Variants in MAPK6 observed in about 807,000 individuals in gnomAD.
MAPK6 encodes mitogen-activated protein kinase 6, also known as ERK-3.
Under a neutral mutation model 59.3 loss-of-function variants are expected in MAPK6, and 19 were observed. The ratio of observed to expected loss-of-function variants is 0.32; its 90% confidence interval spans 0.22 to 0.47. The LOEUF (loss-of-function observed/expected upper bound fraction) is 0.47, where lower values mean the gene tolerates loss of function less well. Among genes scored for constraint, MAPK6 ranks in the 20% least tolerant of loss-of-function variants. The pLI is 1.00. For missense variants in MAPK6, 724 were observed against 847.9 expected (o/e 0.85, Z 1.81); for synonymous variants, 316 against 290.3 (o/e 1.09, Z -0.90).
In MAPK6 at chr15:52,064,404, G is replaced by A. The variant is rs751499153; in HGVS notation, c.1570G>A (p.Gly524Arg). ...LAGKEREKNQ[G>R]FDFDSFIAGT... ...TGGAAAAGAAAGGGAAAAGAATCAG[G>A]GATTTGATTTTGATTCCTTTATTGC... Residue 524 changes from glycine (G) to arginine (R), a missense_variant, in exon 6 of 6, where the codon GGA becomes AGA. Gly to Arg is a moderately radical substitution (Grantham distance 125). Around this residue, in one of 4 missense-constraint regions of MAPK6, gnomAD observed 502 missense variants for 507.6 expected, o/e 0.99. Transcript: ENST00000261845. 6 of 1,611,716 alleles carry A rather than the reference G, an allele frequency of 3.7e-6. No individual in the cohort carries two copies. The highest frequency in any genetic ancestry group is 5.1e-6 in the Non-Finnish European group (6 of 1,179,808).
chr15:51,973,007 T>C (rs1339402179), intron 1 of MAPK6, among the ~76,000 whole-genome samples: 1 of 151,706 alleles, frequency 6.6e-6, no homozygotes, highest in Non-Finnish European at 1.5e-5. Context: ...AGGCTCTGTT[T>C]CTTAGAAGAA....
At position 51,986,545 on chromosome 15, in the gene MAPK6, ATTATG is replaced by A. The variant is rs567191002; in HGVS notation, c.-770+3232_-770+3236del. On this transcript the variant is annotated intron_variant, in intron 2 of 7. Coordinates refer to the MAPK6 transcript ENST00000691380. ...CATGTTTTCTACAAATGCTTTTATAATTATGTAATGCTTTTGTAATCAAAAAAGAC... is the reference window on the plus strand; with the variant it reads ...CATGTTTTCTACAAATGCTTTTATAATAATGCTTTTGTAATCAAAAAAGAC... 8.5e-5 allele frequency among the ~76,000 whole-genome samples: 13 copies of A among 152,234 alleles called. No homozygotes were observed. The South Asian group carries it at 2.3e-3, about 27-fold the overall frequency.
Position 52,065,021 on chromosome 15 carries a change from CTT to C in MAPK6, c.*23_*24del. ...ACTAAAACACTCAGCAGACATTTAT[CTT>C]TGTATTCTTCATGAAATGTGTTTTG... On this transcript the variant is annotated 3_prime_UTR_variant, in exon 6 of 6. Transcript: ENST00000261845. The C allele has an allele frequency of 6.4e-7, 1 of 1,552,194 alleles. No homozygotes were observed. The highest frequency in any genetic ancestry group is 8.7e-7 in the Non-Finnish European group (1 of 1,147,462).
At chr15:52,020,709 G>C (rs35730785) in intron 1 of MAPK6, among the ~76,000 whole-genome samples, 1 of 152,226 alleles carries the variant, frequency 6.6e-6, no homozygotes, top group Non-Finnish European at 1.5e-5. Flanking sequence ...AGAAATATCA[G>C]ATTTTAATGT....
At chr15:52,035,585 C>G (rs2031213061) in intron 1 of MAPK6, 1 of 151,408 alleles carries the variant, frequency 6.6e-6, no homozygotes. Context: ...GGTCACACCA[C>G]TGCACTCCAG....
chr15:51,986,917 T>A (rs2057192641), intron 2 of MAPK6, among the ~76,000 whole-genome samples: 1 of 152,180 alleles, frequency 6.6e-6, no homozygotes, highest in Admixed American at 6.6e-5. Context: ...TTAGAAAGGA[T>A]TAGGGACATC....
In MAPK6 at chr15:52,030,611, CTTTTTTTTTTTTTTTT is replaced by C. The variant is rs11295636; in HGVS notation, c.-632+11250_-632+11265del. Among the ~76,000 whole-genome samples, 10 of 35,744 alleles carry C rather than the reference CTTTTTTTTTTTTTTTT, an allele frequency of 2.8e-4. No individual in the cohort carries two copies. In the South Asian group the frequency reaches 4.9e-3, roughly 18 times the overall value. The allele number at this position is 35,744 out of a possible 152,430, so 23.4% of individuals were successfully genotyped here. On this transcript the variant is annotated intron_variant, in intron 1 of 5. Transcript: ENST00000261845. ...TGTGTTTTAGTTATGCAGAAGAAGG[CTTTTTTTTTTTTTTTT>C]TTTTTTTTTTTTTTGAGGCAGAGTC... is the stretch of plus-strand genomic sequence containing the variant.
At chr15:51,994,151 G>C (rs1025734927) in intron 2 of MAPK6, among the ~76,000 whole-genome samples, 2 of 151,996 alleles carry the variant, frequency 1.3e-5, no homozygotes, top group Admixed American at 1.3e-4. Flanking sequence ...GTAGAGACGG[G>C]GTTTCTCTAT....
intron 1 of MAPK6, among the ~76,000 whole-genome samples, chr15:52,037,357 C>T (rs904265594): frequency 6.6e-6 from 1 of 152,314 alleles, no homozygotes; most frequent in African/African-American, 2.4e-5. Context: ...AGCTCAAAAA[C>T]AACAGCAGTC....
chr15:52,001,509 CTTT>C (rs71130114), intron 2 of MAPK6, among the ~76,000 whole-genome samples: 1 of 128,092 alleles, frequency 7.8e-6, no homozygotes, highest in Non-Finnish European at 1.6e-5. Flanking sequence ...CTTTTCCTTT[CTTT>C]TTTTTTTTTT....
chr15:52,065,102 A>G lies in MAPK6; in HGVS notation c.*102A>G, dbSNP rs1157689646. On this transcript the variant is annotated 3_prime_UTR_variant, in exon 6 of 6. Transcript: ENST00000261845. ...TTTTTTACTTGAATCAGATGGTGTC[A>G]TTTAGTAAGGATTTTATGAGTTCTT... 3 of 1,104,508 alleles carry G rather than the reference A, an allele frequency of 2.7e-6. No homozygotes were observed. Among genetic ancestry groups the G allele is most frequent in the Non-Finnish European group, 3.8e-6 (3 of 797,142 alleles). The allele number at this position is 1,104,508 out of a possible 1,614,324, so 68.4% of individuals were successfully genotyped here. A position where few individuals can be genotyped will look rare whatever the true frequency, so the allele number is the denominator to read the frequency against.
chr15:51,983,553 G>A (rs2057181489), intron 2 of MAPK6, among the ~76,000 whole-genome samples: 1 of 146,124 alleles, frequency 6.8e-6, no homozygotes, highest in African/African-American at 2.5e-5. Flanking sequence ...CTCTTGCTTG[G>A]AATCCCAGCA....
chr15:51,974,703 T>G (rs34842090), intron 1 of MAPK6, among the ~76,000 whole-genome samples: 1 of 140,806 alleles, frequency 7.1e-6, no homozygotes. Flanking sequence ...CATTTGTTCC[T>G]AGGAATGGAG....
At chr15:51,995,370 G>A (rs1467798487) in intron 2 of MAPK6, among the ~76,000 whole-genome samples, 6 of 152,176 alleles carry the variant, frequency 3.9e-5, no homozygotes, top group Admixed American at 2.6e-4. Flanking sequence ...GCAGCTGTAG[G>A]AGTTGATGAC....
chr15:51,999,121 G>C (rs973080379), intron 2 of MAPK6, among the ~76,000 whole-genome samples: 33 of 151,862 alleles, frequency 2.2e-4, no homozygotes, highest in African/African-American at 7.7e-4. Context: ...TCAGCCTCCA[G>C]AGTAGCTGAG....
chr15:52,003,034 A>G (rs1330045148), intron 2 of MAPK6, among the ~76,000 whole-genome samples: 1 of 152,160 alleles, frequency 6.6e-6, no homozygotes. Context: ...TAAAAATATA[A>G]TAATTAGCAG....
chr15:52,061,589 A>C, intron 5 of MAPK6, 89 bp downstream of exon 5: 1 of 970,500 alleles, frequency 1.0e-6, no homozygotes, highest in Non-Finnish European at 1.5e-6. Flanking sequence ...TGTATAAGAC[A>C]TTGTAGAAGT....
intron 2 of MAPK6, among the ~76,000 whole-genome samples, chr15:51,990,810 C>T (rs1037978508): frequency 1.3e-5 from 2 of 152,154 alleles, no homozygotes; most frequent in African/African-American, 4.8e-5. Context: ...CAAAATTAGC[C>T]AGGCATGGTG....
chr15:52,016,068 GCGCACA>G (rs1334804746), upstream of MAPK6, among the ~76,000 whole-genome samples: 621 of 35,626 alleles, frequency 0.017, 11 homozygotes, highest in Non-Finnish European at 0.031. Context: ...GCGCGCGCGC[GCGCACA>G]CACACACACA....
Sources: gnomAD v4.1 joint callset for allele counts (sites outside exome capture counted in the v4.1 genomes callset) on GRCh38, gnomAD v4.1.1 for gene constraint, gnomAD v4.1.1 regional missense constraint, MANE v1.5 for transcripts, NCBI Gene and HGNC (gene_info 2026-07-23, HGNC 2026-07-21) for gene names.